Variants in CSMD3 observed in about 807,000 individuals in gnomAD.
CSMD3 encodes the protein CUB and Sushi multiple domains 3, also known as CUB and sushi domain-containing protein 3.
In CSMD3, 177 loss-of-function variants were observed where a neutral mutation model predicts 435.2. The ratio of observed to expected loss-of-function variants is 0.41; its 90% CI spans 0.36 to 0.46. CSMD3 has a LOEUF of 0.46. Ranked by LOEUF, CSMD3 falls within the 20% of genes least tolerant of loss-of-function variation. The pLI, the probability that CSMD3 is intolerant of heterozygous loss-of-function variation, is 0.34. For synonymous variants in CSMD3, 1,656 were observed against 1,520.5 expected (o/e 1.09, Z -2.07); for missense variants, 4,265 against 4,504.6 (o/e 0.95, Z 1.52).
In CSMD3 at chr8:112,873,210, T is replaced by G. The variant is rs951483127; in HGVS notation, c.1634-13944A>C. ...CCAAAAAAATCATAAAGCAGGAATTTGCAGCTAGAACTAACCATTAAACAT... is the reference window on the plus strand; with the variant it reads ...CCAAAAAAATCATAAAGCAGGAATTGGCAGCTAGAACTAACCATTAAACAT... On this transcript the variant is annotated intron_variant, in intron 10 of 70. Coordinates refer to ENST00000297405, the MANE Select transcript of CSMD3 (RefSeq NM_198123.2). Among the ~76,000 whole-genome samples, 3 of 151,986 alleles carry G rather than the reference T, an allele frequency of 2.0e-5. No individual in the cohort carries two copies. In the South Asian group the frequency reaches 6.2e-4, roughly 31 times the overall value.
intron 11 of CSMD3, among the ~76,000 whole-genome samples, chr8:112,854,197 A>AT (rs1222726631): frequency 6.6e-6 from 1 of 152,176 alleles, no homozygotes; most frequent in Non-Finnish European, 1.5e-5. Flanking sequence ...TACAGATTAT[A>AT]TTTTTCTGAC....
intron 42 of CSMD3, among the ~76,000 whole-genome samples, chr8:112,339,132 C>T (rs905714260): frequency 6.6e-5 from 10 of 152,016 alleles, no homozygotes; most frequent in African/African-American, 1.9e-4. Flanking sequence ...ACCTTTTTGG[C>T]CCAGCAGATG....
intron 2 of CSMD3, chr8:113,309,162 G>A (rs2093847515): frequency 6.6e-6 from 1 of 151,944 alleles, no homozygotes; most frequent in Non-Finnish European, 1.5e-5. Flanking sequence ...TGTTGCCCAG[G>A]CTGGTCTCAA....
chr8:113,224,847 G>C (rs979481942), intron 3 of CSMD3, among the ~76,000 whole-genome samples: 2 of 150,396 alleles, frequency 1.3e-5, no homozygotes, highest in Non-Finnish European at 3.0e-5. Context: ...TGATTATTAA[G>C]TTCATCTAAG....
At position 113,275,933 on chromosome 8, in the gene CSMD3, A is replaced by G. The variant is rs142209193; in HGVS notation, c.514+2659T>C. On this transcript the variant is annotated intron_variant, in intron 3 of 70. Transcript: ENST00000297405. Reference sequence around the variant, plus strand: ...ATTTTACTGTATCATACACAGGGCAAGAGTTGTAATTTGAGGTAACTGCAG... The same window carrying G: ...ATTTTACTGTATCATACACAGGGCAGGAGTTGTAATTTGAGGTAACTGCAG... Among the ~76,000 whole-genome samples the G allele has an allele frequency of 6.1e-3, 933 of 152,186 alleles. 2 individuals carry two copies. Among genetic ancestry groups the G allele is most frequent in the Non-Finnish European group, 9.1e-3 (617 of 67,970 alleles).
At chr8:112,252,006 T>A (rs1479556338) in intron 63 of CSMD3, among the ~76,000 whole-genome samples, 1 of 151,922 alleles carries the variant, frequency 6.6e-6, no homozygotes, top group Non-Finnish European at 1.5e-5. Context: ...ATATATTTTG[T>A]ATGTTAATAA....
intron 3 of CSMD3, among the ~76,000 whole-genome samples, chr8:113,271,505 A>G (rs145047650): frequency 1.7e-4 from 26 of 152,284 alleles, no homozygotes; most frequent in African/African-American, 5.3e-4. Flanking sequence ...GCAAGCCCCA[A>G]ACCTTGGCAG....
At chr8:113,063,681 A>G (rs997741774) in intron 5 of CSMD3, among the ~76,000 whole-genome samples, 2 of 151,880 alleles carry the variant, frequency 1.3e-5, no homozygotes, top group East Asian at 1.9e-4. Flanking sequence ...TTACCTCTCT[A>G]TTTGTTGGAA....
intron 24 of CSMD3, among the ~76,000 whole-genome samples, chr8:112,572,815 T>C (rs1563719182): frequency 6.6e-6 from 1 of 152,090 alleles, no homozygotes. Flanking sequence ...AAGAAATATA[T>C]TATTTGAATA....
intron 65 of CSMD3, among the ~76,000 whole-genome samples, chr8:112,242,879 T>C (rs1471075413): frequency 6.6e-6 from 1 of 152,106 alleles, no homozygotes; most frequent in Non-Finnish European, 1.5e-5. Flanking sequence ...GCCACTGGTT[T>C]GAATGACATC....
chr8:112,419,509 G>A (rs564839742), intron 32 of CSMD3, among the ~76,000 whole-genome samples: 1 of 152,244 alleles, frequency 6.6e-6, no homozygotes, highest in Admixed American at 6.5e-5. Context: ...GGTTTGCTTT[G>A]AACTTAACAA....
At position 112,341,546 on chromosome 8, in the gene CSMD3, G is replaced by A. The variant is rs1289599043; in HGVS notation, c.6583C>T (p.His2195Tyr). The A allele has an allele frequency of 4.3e-6, 7 of 1,613,132 alleles. No individual in the cohort carries two copies. Among genetic ancestry groups the A allele is most frequent in the Non-Finnish European group, 5.9e-6 (7 of 1,179,430 alleles). Residue 2195 changes from histidine (H) to tyrosine (Y), a missense_variant, in exon 42 of 71, where the codon CAT (histidine) becomes TAT (tyrosine). This residue lies in a region of CSMD3 where 3,255 missense variants were observed against 3,380.2 expected (regional missense o/e 0.96). Transcript: ENST00000297405. ...CTGTGAAAATATAAGCTGGTTTCAT[G>A]GGTGGTGCTGAATAAGGAAGATGGT... ...QIPSSLFSTT[H>Y]ETSLYFHSDY... is the part of the protein sequence containing the mutation.
intron 13 of CSMD3, among the ~76,000 whole-genome samples, chr8:112,699,287 G>A (rs146682423): frequency 2.0e-5 from 3 of 152,194 alleles, no homozygotes; most frequent in African/African-American, 7.2e-5. Flanking sequence ...CCAGAAGGAA[G>A]AAACTCCGGA....
rs186852005 is a variant in CSMD3, at chr8:113,102,176, C to T, written c.710-3213G>A. Among the ~76,000 whole-genome samples the T allele has an allele frequency of 8.5e-4, 130 of 152,180 alleles. 1 individual carries two copies. Among genetic ancestry groups the T allele is most frequent in the African/African-American group, 2.9e-3 (119 of 41,520 alleles). On this transcript the variant is annotated intron_variant, in intron 4 of 70. Transcript: ENST00000297405. ...TCTTTCATCATTACTCTGTCACAGCCTCCAGGCTTGCTTGATTAATAAATG... is the reference window on the plus strand; with the variant it reads ...TCTTTCATCATTACTCTGTCACAGCTTCCAGGCTTGCTTGATTAATAAATG...
intron 3 of CSMD3, among the ~76,000 whole-genome samples, chr8:113,262,182 T>G (rs2093432373): frequency 6.6e-6 from 1 of 152,008 alleles, no homozygotes; most frequent in African/African-American, 2.4e-5. Flanking sequence ...GATTGAAATG[T>G]TTGTAACCTA....
At chr8:113,226,023 T>A (rs2093024085) in intron 3 of CSMD3, among the ~76,000 whole-genome samples, 2 of 151,440 alleles carry the variant, frequency 1.3e-5, no homozygotes, top group Non-Finnish European at 3.0e-5. Context: ...TCCTTCCTGC[T>A]GCCACGTAAA....
intron 18 of CSMD3, among the ~76,000 whole-genome samples, chr8:112,651,522 T>A (rs1261561676): frequency 2.0e-5 from 3 of 152,014 alleles, no homozygotes; most frequent in Non-Finnish European, 2.9e-5. Flanking sequence ...TGACCATTAT[T>A]TTTCTAAGCA....
At chr8:112,618,420 AC>A (rs1312292406) in intron 22 of CSMD3, among the ~76,000 whole-genome samples, 1 of 152,106 alleles carries the variant, frequency 6.6e-6, no homozygotes, top group Non-Finnish European at 1.5e-5. Flanking sequence ...AGAAGGCACA[AC>A]TTTTTTGTAG....
intron 13 of CSMD3, among the ~76,000 whole-genome samples, chr8:112,698,686 C>T (rs1414570311): frequency 6.6e-6 from 1 of 152,074 alleles, no homozygotes; most frequent in Non-Finnish European, 1.5e-5. Flanking sequence ...AAGATAATGG[C>T]AGAGTACAAC....
Sources: allele counts gnomAD v4.1 joint callset (sites outside exome capture counted in the v4.1 genomes callset), GRCh38; gene constraint gnomAD v4.1.1; regional missense constraint gnomAD v4.1.1; transcripts MANE v1.5; gene names NCBI Gene and HGNC (gene_info 2026-07-23, HGNC 2026-07-21).